Variants in DYDC1 observed in about 807,000 individuals in gnomAD.
DYDC1 encodes DPY30 domain-containing protein 1.
A neutral mutation model predicts 27.9 loss-of-function variants in DYDC1; 21 were observed. The observed-to-expected ratio is 0.75, with a 90% CI of 0.53 to 1.08. The LOEUF is 1.08. Ranked by LOEUF, DYDC1 falls within the 50% of genes least tolerant of loss-of-function variation. The pLI is 0.00. For missense variants in DYDC1, 202 were observed against 205.9 expected, an observed-to-expected ratio of 0.98 and a Z score of 0.12; for synonymous variants, 67 against 65.8, an observed-to-expected ratio of 1.02 and a Z score of -0.09.
chr10:80,354,306 G>A (rs1186638993), intron 1 of DYDC1: 1 of 150,914 alleles, frequency 6.6e-6, no homozygotes, highest in Non-Finnish European at 1.5e-5. Flanking sequence ...GGCCACAATA[G>A]TGAAATGCTG....
Position 80,356,699 on chromosome 10 carries a change from C to A in DYDC1, c.-10+13G>T. 1 of 984,380 alleles carries A rather than the reference C, an allele frequency of 1.0e-6. No homozygotes were observed. Among genetic ancestry groups the A allele is most frequent in the South Asian group, 4.7e-5 (1 of 21,274 alleles). The allele number at this position is 984,380 out of a possible 1,614,324, so 61.0% of individuals were successfully genotyped here. The stretch of plus-strand genomic sequence containing the variant: ...AATCCCAAAAACAGTTCGGGCCTTT[C>A]CGGTGCGCTCACCCCTACACACGCG... On this transcript the variant is annotated intron_variant, in intron 1 of 6. Coordinates refer to ENST00000372202, the MANE Select transcript of DYDC1 (RefSeq NM_001269053.2).
rs565473819 is a variant in DYDC1 at position 80,341,957 on chromosome 10, G to A, written c.342+312C>T. Among the ~76,000 whole-genome samples, 11 of 150,556 alleles carry A rather than the reference G, an allele frequency of 7.3e-5. No individual in the cohort carries two copies. The South Asian group carries it at 2.1e-3, about 29-fold the overall frequency. On this transcript the variant is annotated intron_variant, in intron 4 of 6. Transcript: ENST00000372202. ...GAGAATCACTTGAACCTGGGAGGCCGAGGTTGCAGTGAACCGAGATTGTGC... is the reference window on the plus strand; with the variant it reads ...GAGAATCACTTGAACCTGGGAGGCCAAGGTTGCAGTGAACCGAGATTGTGC...
At chr10:80,338,423 C>G (rs1331716795) in intron 6 of DYDC1, 44 bp downstream of exon 6, 4 of 1,605,708 alleles carry the variant, frequency 2.5e-6, no homozygotes, top group South Asian at 1.1e-5. Context: ...AAATCAAAAA[C>G]AAAAACAAAA....
At position 80,342,225 on chromosome 10, in the gene DYDC1, A is replaced by T. The variant is rs370833892; in HGVS notation, c.342+44T>A. On this transcript the variant is annotated intron_variant, in intron 4 of 6. Coordinates refer to ENST00000372202, the MANE Select transcript of DYDC1 (RefSeq NM_001269053.2). ...CTGAAATAAACAGTTTGAAGATTCT[A>T]GAGAGTTTTAAATAAAACTGACATT... The T allele has an allele frequency of 5.1e-6, 8 of 1,573,138 alleles. No homozygotes were observed. In the African/African-American group the frequency reaches 1.1e-4, roughly 21 times the overall value.
At chr10:80,351,457 A>G (rs908301567) in intron 3 of DYDC1, among the ~76,000 whole-genome samples, 5 of 151,128 alleles carry the variant, frequency 3.3e-5, no homozygotes, top group African/African-American at 1.2e-4. Context: ...CATTGCCTAC[A>G]TTTTCCACCT....
At chr10:80,344,275 T>G (rs938014750) in intron 3 of DYDC1, among the ~76,000 whole-genome samples, 3 of 152,202 alleles carry the variant, frequency 2.0e-5, no homozygotes, top group African/African-American at 7.2e-5. Context: ...TAAAACATGT[T>G]TTATTTCAGT....
At chr10:80,351,267 G>A (rs1457316090) in intron 3 of DYDC1, among the ~76,000 whole-genome samples, 1 of 152,086 alleles carries the variant, frequency 6.6e-6, no homozygotes, top group Non-Finnish European at 1.5e-5. Flanking sequence ...AATCAAAGAA[G>A]TGCCTTCTCC....
intron 3 of DYDC1, among the ~76,000 whole-genome samples, chr10:80,343,426 G>C (rs1040356341): frequency 6.6e-6 from 1 of 152,082 alleles, no homozygotes; most frequent in African/African-American, 2.4e-5. Context: ...GCAGTGTTTG[G>C]AGTGCCATGG....
intron 6 of DYDC1, 103 bp downstream of exon 6, chr10:80,338,364 A>T: frequency 6.8e-7 from 1 of 1,462,694 alleles, no homozygotes; most frequent in South Asian, 1.5e-5. Flanking sequence ...CTATTTGCCA[A>T]CCAATCCTGG....
intron 3 of DYDC1, among the ~76,000 whole-genome samples, chr10:80,342,994 A>AAAG (rs1554844272): frequency 3.3e-5 from 5 of 151,060 alleles, no homozygotes; most frequent in Non-Finnish European, 7.4e-5. Flanking sequence ...AAAAAAAAAA[A>AAAG]AAAAGAAAAG....
chr10:80,336,049 A>G (rs889193012), downstream of DYDC1: 3 of 733,260 alleles, frequency 4.1e-6, no homozygotes, highest in Admixed American at 2.8e-5. Flanking sequence ...CCTTAGAGGA[A>G]AAAAAAAGGG....
At chr10:80,337,045 C>T in intron 6 of DYDC1, 1 of 884,212 alleles carries the variant, frequency 1.1e-6, no homozygotes, top group Non-Finnish European at 1.4e-6. Flanking sequence ...CTTTATCCAC[C>T]TCTCCAGCTT....
At chr10:80,347,242 A>G (rs923194319) in intron 3 of DYDC1, among the ~76,000 whole-genome samples, 6 of 99,496 alleles carry the variant, frequency 6.0e-5, no homozygotes, top group African/African-American at 1.8e-4. Flanking sequence ...AGAAATGTCT[A>G]TTTAGGTCCT....
intron 3 of DYDC1, among the ~76,000 whole-genome samples, chr10:80,344,048 A>T (rs1842466696): frequency 6.6e-6 from 1 of 152,114 alleles, no homozygotes; most frequent in African/African-American, 2.4e-5. Context: ...TCTGGGAGGT[A>T]GAGGTTGCAG....
Position 80,338,165 on chromosome 10 carries a change from G to GC in DYDC1, c.504+301dup, listed in dbSNP as rs548172742. The GC allele has an allele frequency of 1.4e-4, 138 of 985,334 alleles. 2 individuals carry two copies. The South Asian group carries it at 4.6e-3, about 33-fold the overall frequency. 61.0% of individuals were successfully genotyped at this position (985,334 alleles called of 1,614,324 possible). A position where few individuals can be genotyped will look rare whatever the true frequency, so the allele number is the denominator to read the frequency against. On this transcript the variant is annotated intron_variant, in intron 6 of 6. Transcript: ENST00000372202. ...GTTTGCTACTGAGAACAAAAATCGT[G>GC]CCCCCCACACCAAATTTAAAGATTA...
intron 3 of DYDC1, among the ~76,000 whole-genome samples, chr10:80,349,426 A>G (rs1842857596): frequency 6.6e-6 from 1 of 152,182 alleles, no homozygotes; most frequent in Non-Finnish European, 1.5e-5. Context: ...TAATATCATC[A>G]AATTTGCCTC....
intron 3 of DYDC1, among the ~76,000 whole-genome samples, chr10:80,349,225 A>T (rs1262363111): frequency 6.6e-6 from 1 of 152,246 alleles, no homozygotes; most frequent in Non-Finnish European, 1.5e-5. Flanking sequence ...TTTTGATGAT[A>T]GACCACACTA....
chr10:80,338,260 T>A, intron 6 of DYDC1: 1 of 985,468 alleles, frequency 1.0e-6, no homozygotes, highest in African/African-American at 1.7e-5. Flanking sequence ...GAGATATAGA[T>A]AAGCCAGTGA....
At chr10:80,337,284 C>T (rs950791133) in intron 6 of DYDC1, 2 of 985,484 alleles carry the variant, frequency 2.0e-6, no homozygotes, top group Non-Finnish European at 1.2e-6. Context: ...AAGCCCAATC[C>T]ATTTTGTTCA....
Sources: gnomAD v4.1 joint callset for allele counts (sites outside exome capture counted in the v4.1 genomes callset) on GRCh38, gnomAD v4.1.1 for gene constraint, MANE v1.5 for transcripts, NCBI Gene and HGNC (gene_info 2026-07-23, HGNC 2026-07-21) for gene names.